The following SPECC1L variants were observed in gnomAD, a reference collection of about 807,000 sequenced individuals.
SPECC1L encodes cytospin-A.
Under a neutral mutation model 116.8 loss-of-function variants are expected in SPECC1L, and 40 were observed. That is an observed-to-expected ratio of 0.34 (90% CI 0.27 to 0.45). SPECC1L has a LOEUF of 0.45. Among genes scored for constraint, SPECC1L ranks in the 20% least tolerant of loss-of-function variants. The pLI is 1.00. For missense variants in SPECC1L, 1,110 were observed against 1,373.6 expected (o/e 0.81, Z 3.03); for synonymous variants, 504 against 500.6 (o/e 1.01, Z -0.09).
intron 13 of SPECC1L, among the ~76,000 whole-genome samples, chr22:24,367,818 C>A (rs1020672382): frequency 1.3e-5 from 2 of 152,074 alleles, no homozygotes; most frequent in Non-Finnish European, 2.9e-5. Context: ...AACATACGAA[C>A]CTTTAGGATA....
intron 9 of SPECC1L, among the ~76,000 whole-genome samples, chr22:24,337,363 T>G (rs912496002): frequency 6.6e-6 from 1 of 152,230 alleles, no homozygotes; most frequent in African/African-American, 2.4e-5. Context: ...AGATTCCGTT[T>G]ATATTAAATA....
chr22:24,338,281 CG>C, intron 9 of SPECC1L, 104 bp from the exon 10 acceptor site: 3 of 1,063,872 alleles, frequency 2.8e-6, no homozygotes, highest in Middle Eastern at 2.0e-4. Flanking sequence ...CAGTGTCCAG[CG>C]GGGTTTGAGA....
chr22:24,296,284 C>T (rs1395015185), intron 2 of SPECC1L, among the ~76,000 whole-genome samples: 3 of 152,158 alleles, frequency 2.0e-5, no homozygotes, highest in Admixed American at 1.3e-4. Context: ...TACAAGGTAC[C>T]GCACAGGACA....
chr22:24,336,174 G>A (rs1033487118), intron 9 of SPECC1L, among the ~76,000 whole-genome samples: 1 of 151,936 alleles, frequency 6.6e-6, no homozygotes, highest in Non-Finnish European at 1.5e-5. Context: ...ACATGTCTGT[G>A]ATCCTTTATT....
Position 24,321,396 on chromosome 22 carries a change from C to T in SPECC1L, c.416C>T (p.Pro139Leu), listed in dbSNP as rs1395928801. Residue 139 changes from proline to leucine, a missense_variant, in exon 5 of 17, where the codon CCT becomes CTT. This residue lies in a region of SPECC1L where 437 missense variants were observed against 482.6 expected (regional missense o/e 0.91). Coordinates refer to ENST00000314328, the MANE Select transcript of SPECC1L (RefSeq NM_015330.6). ...RTRLNQSKKL[P>L]SAGQGANDMA... ...CGATTAAACCAGAGCAAAAAACTAC[C>T]TTCTGCAGGTCAGGGAGCTAATGAC... is the stretch of plus-strand genomic sequence containing the variant. The T allele has an allele frequency of 2.5e-6, 4 of 1,614,242 alleles. No individual in the cohort carries two copies. Among genetic ancestry groups the T allele is most frequent in the East Asian group, 4.5e-5 (2 of 44,890 alleles).
intron 2 of SPECC1L, among the ~76,000 whole-genome samples, chr22:24,283,217 T>C (rs558535892): frequency 6.6e-6 from 1 of 152,170 alleles, no homozygotes. Context: ...TAGCTGGGAC[T>C]ACTGGCGCTG....
At position 24,322,003 on chromosome 22, in the gene SPECC1L, C is replaced by T. The variant is rs375824180; in HGVS notation, c.1023C>T (p.Ser341=). The T allele has an allele frequency of 1.9e-6, 3 of 1,614,078 alleles. No homozygotes were observed. Among genetic ancestry groups the T allele is most frequent in the Non-Finnish European group, 2.5e-6 (3 of 1,180,050 alleles). ...TAATGGACCATCAGCACAGTAACTC[C>T]ATGGACAATTTAGACAGTGAGTGCA... ...NTLMDHQHSN[S]MDNLDSECSE... The change falls in exon 5 of 17, where the codon TCC becomes TCT. Residue 341 remains serine, a synonymous_variant. Transcript: ENST00000314328.
At chr22:24,368,006 A>C (rs1601292728) in intron 13 of SPECC1L, among the ~76,000 whole-genome samples, 1 of 152,154 alleles carries the variant, frequency 6.6e-6, no homozygotes, top group East Asian at 1.9e-4. Context: ...GAGTGTGACC[A>C]AAAGGGAAGA....
chr22:24,346,292 A>G (rs887250067), intron 10 of SPECC1L, among the ~76,000 whole-genome samples: 1 of 152,174 alleles, frequency 6.6e-6, no homozygotes, highest in South Asian at 2.1e-4. Flanking sequence ...GGCATGAGCC[A>G]CTGCGCCTGG....
chr22:24,327,015 C>T (rs1424971273), intron 6 of SPECC1L, among the ~76,000 whole-genome samples: 4 of 152,066 alleles, frequency 2.6e-5, no homozygotes, highest in Non-Finnish European at 5.9e-5. Context: ...TGCAGTGGCT[C>T]ATGCTTGTAA....
chr22:24,387,292 C>T (rs1277238865), intron 14 of SPECC1L, among the ~76,000 whole-genome samples: 1 of 152,128 alleles, frequency 6.6e-6, no homozygotes, highest in East Asian at 1.9e-4. Context: ...GCAGAAGCAG[C>T]CAGATGCACA....
chr22:24,318,507 C>T (rs569566205), intron 4 of SPECC1L, among the ~76,000 whole-genome samples: 4 of 152,038 alleles, frequency 2.6e-5, no homozygotes, highest in Non-Finnish European at 4.4e-5. Flanking sequence ...AGAGGGAGAC[C>T]GTGGAAAGAG....
At chr22:24,333,447 C>T (rs539056144) in intron 8 of SPECC1L, among the ~76,000 whole-genome samples, 6 of 151,904 alleles carry the variant, frequency 3.9e-5, no homozygotes, top group Non-Finnish European at 8.8e-5. Flanking sequence ...TGTTAGTCAG[C>T]GTAGTGAATT....
chr22:24,317,002 A>G (rs2040588118), intron 4 of SPECC1L, among the ~76,000 whole-genome samples: 3 of 110,210 alleles, frequency 2.7e-5, no homozygotes, highest in East Asian at 3.0e-4. Flanking sequence ...GGCGCCCCTC[A>G]CCTCCTGGAC....
chr22:24,313,939 A>G (rs1022025675), intron 4 of SPECC1L, among the ~76,000 whole-genome samples: 3 of 151,890 alleles, frequency 2.0e-5, no homozygotes, highest in Non-Finnish European at 2.9e-5. Flanking sequence ...GGGTTTCACC[A>G]TGTTGGTCAG....
At chr22:24,365,687 C>G (rs2041748692) in intron 13 of SPECC1L, 55 bp downstream of exon 13, 1 of 1,589,678 alleles carries the variant, frequency 6.3e-7, no homozygotes, top group East Asian at 2.2e-5. Context: ...GGCCTTTTGA[C>G]AGTAAATGAT....
intron 1 of SPECC1L, among the ~76,000 whole-genome samples, chr22:24,273,935 T>C (rs1048153204): frequency 1.3e-5 from 2 of 152,166 alleles, no homozygotes; most frequent in African/African-American, 4.8e-5. Flanking sequence ...ATTTTGTATT[T>C]TTAGTAGAGA....
chr22:24,362,634 C>T (rs1247228018), intron 11 of SPECC1L, among the ~76,000 whole-genome samples: 3 of 152,136 alleles, frequency 2.0e-5, no homozygotes, highest in African/African-American at 7.2e-5. Context: ...ATGTTTTAGC[C>T]ATACTTAGCC....
At chr22:24,334,615 TGTTC>T (rs2041012889) in intron 9 of SPECC1L, 42 bp downstream of exon 9, 1 of 1,605,806 alleles carries the variant, frequency 6.2e-7, no homozygotes. Flanking sequence ...CATGCGGTTG[TGTTC>T]ACTTACCTTA....
Sources: allele counts gnomAD v4.1 joint callset (sites outside exome capture counted in the v4.1 genomes callset), GRCh38; gene constraint gnomAD v4.1.1; regional missense constraint gnomAD v4.1.1; transcripts MANE v1.5; gene names NCBI Gene and HGNC (gene_info 2026-07-23, HGNC 2026-07-21).